The following PREPL variants were observed in gnomAD, a reference collection of about 807,000 sequenced individuals.
The protein encoded by PREPL is prolyl endopeptidase like.
In PREPL, 77 loss-of-function variants were observed where a neutral mutation model predicts 70.6. The ratio of observed to expected loss-of-function variants is 1.09; its 90% confidence interval spans 0.91 to 1.32. PREPL has a LOEUF of 1.32. Ranked by LOEUF, PREPL falls within the 40% of genes most tolerant of loss-of-function variation. The probability of loss-of-function intolerance (pLI) is 0.00; values close to 1 mark genes in which losing one functional copy is unlikely to be tolerated. For synonymous variants in PREPL, 315 were observed against 264.8 expected, an observed-to-expected ratio of 1.19 and a Z score of -1.84; for missense variants, 1,002 against 778.2, an observed-to-expected ratio of 1.29 and a Z score of -3.42.
At chr2:44,324,332 T>A (rs1673280834) in intron 10 of PREPL, among the ~76,000 whole-genome samples, 1 of 152,174 alleles carries the variant, frequency 6.6e-6, no homozygotes, top group Non-Finnish European at 1.5e-5. Context: ...ATTGACTGCA[T>A]AAGCCTATGA....
chr2:44,328,061 G>A (rs945674228), intron 9 of PREPL, among the ~76,000 whole-genome samples: 6 of 147,252 alleles, frequency 4.1e-5, no homozygotes, highest in South Asian at 2.2e-4. Context: ...TGAGGCGGGC[G>A]GATCACTTGA....
chr2:44,342,425 T>C lies in PREPL; in HGVS notation c.477A>G (p.Lys159=). ...TTATATTATTCTAGTACCTTGGGTCTTTTTCTGTGTAAAAGCGTTCATTAC... is the reference window on the plus strand; with the variant it reads ...TTATATTATTCTAGTACCTTGGGTCCTTTTCTGTGTAAAAGCGTTCATTAC... ...NKRNERFYTE[K]DPSYFVFLYL... The change falls in exon 5 of 14, where the codon AAA becomes AAG. Residue 159 remains lysine, a synonymous_variant. Coordinates refer to ENST00000409411, the MANE Select transcript of PREPL (RefSeq NM_001171613.2). 3.7e-6 allele frequency: 6 copies of C among 1,609,940 alleles called. No homozygotes were observed. Among genetic ancestry groups the C allele is most frequent in the Non-Finnish European group, 5.1e-6 (6 of 1,177,744 alleles).
intron 5 of PREPL, among the ~76,000 whole-genome samples, chr2:44,342,115 G>A (rs1675288969): frequency 6.6e-6 from 1 of 152,114 alleles, no homozygotes; most frequent in African/African-American, 2.4e-5. Flanking sequence ...AACAGACTCA[G>A]TCTGTTCACA....
intron 9 of PREPL, 130 bp downstream of exon 9, chr2:44,328,807 G>T: frequency 1.0e-6 from 1 of 954,934 alleles, no homozygotes. Flanking sequence ...ACCAGTGCTG[G>T]TTTAGGAATA....
At chr2:44,360,937 C>T (rs1677689147) in intron 1 of PREPL, among the ~76,000 whole-genome samples, 1 of 152,068 alleles carries the variant, frequency 6.6e-6, no homozygotes, top group Non-Finnish European at 1.5e-5. Context: ...CGCTACGACG[C>T]CCCCGCCCCC....
At position 44,342,398 on chromosome 2, in the gene PREPL, A is replaced by C. The variant is rs1241390986; in HGVS notation, c.485+19T>G. On this transcript the variant is annotated intron_variant, in intron 5 of 13. Coordinates refer to ENST00000409411, the MANE Select transcript of PREPL (RefSeq NM_001171613.2). ...AGGAAGGTTCTGGAGAGAAAGATTT[A>C]ATTATATTATTCTAGTACCTTGGGT... 2 of 1,580,362 alleles carry C rather than the reference A, an allele frequency of 1.3e-6. No homozygotes were observed. Among genetic ancestry groups the C allele is most frequent in the Non-Finnish European group, 1.7e-6 (2 of 1,161,154 alleles).
rs370857739 is a variant in PREPL, at chr2:44,343,874, C to T, written c.220G>A (p.Val74Ile). The change falls in exon 4 of 14, where the codon GTT (valine) becomes ATT (isoleucine). Residue 74 changes from valine to isoleucine, a missense_variant. By Grantham distance (29) the Val-to-Ile change is conservative. Transcript: ENST00000409411. Reference protein sequence around the residue: ...LDQPFIDCIRVAPDEKYVAAK... With the variant: ...LDQPFIDCIRIAPDEKYVAAK... Reference sequence around the variant, plus strand: ...GCCACATATTTTTCATCTGGAGCAACTCTGATACAATCAATGAAGGGCTGG... The same window carrying T: ...GCCACATATTTTTCATCTGGAGCAATTCTGATACAATCAATGAAGGGCTGG... The T allele has an allele frequency of 3.7e-6, 6 of 1,613,890 alleles. No individual in the cohort carries two copies. The highest frequency in any genetic ancestry group is 1.1e-5 in the South Asian group (1 of 91,088).
chr2:44,317,810 G>A lies in PREPL; in HGVS notation c.*3546C>T, dbSNP rs142090460. On this transcript the variant is annotated 3_prime_UTR_variant, in exon 14 of 14. Coordinates refer to ENST00000409411, the MANE Select transcript of PREPL (RefSeq NM_001171613.2). Reference sequence around the variant, plus strand: ...ATAGTATAACTACAAATAAAATAGGGCTTCCGAATTATGTCTAAATAATAC... The same window carrying A: ...ATAGTATAACTACAAATAAAATAGGACTTCCGAATTATGTCTAAATAATAC... 0.01 allele frequency: 1,643 copies of A among 158,852 alleles called. 29 individuals are homozygous for A. Among genetic ancestry groups the A allele is most frequent in the African/African-American group, 0.037 (1,554 of 41,480 alleles). 9.8% of individuals were successfully genotyped at this position (158,852 alleles called of 1,614,324 possible). A position where few individuals can be genotyped will look rare whatever the true frequency, so the allele number is the denominator to read the frequency against.
intron 7 of PREPL, 124 bp downstream of exon 7, chr2:44,338,213 CTTTGCTAAATTCCA>C: frequency 1.2e-6 from 1 of 817,660 alleles, no homozygotes; most frequent in Non-Finnish European, 1.9e-6. Context: ...CCAAGAGTGA[CTTTGCTAAATTCCA>C]TTTAAGTTAC....
Position 44,320,633 on chromosome 2 carries a change from G to A in PREPL, c.*723C>T, listed in dbSNP as rs773635956. The stretch of plus-strand genomic sequence containing the variant: ...GTGTACTGAACATACTGTATACCTC[G>A]TGTTAGGCACCTTTATGAAGAGATG... On this transcript the variant is annotated 3_prime_UTR_variant, in exon 14 of 14. Transcript: ENST00000409411. The A allele has an allele frequency of 8.1e-6, 13 of 1,613,068 alleles. No individual in the cohort carries two copies. Among genetic ancestry groups the A allele is most frequent in the South Asian group, 7.7e-5 (7 of 91,060 alleles).
At chr2:44,335,212 G>C (rs955560227) in intron 7 of PREPL, among the ~76,000 whole-genome samples, 1 of 152,158 alleles carries the variant, frequency 6.6e-6, no homozygotes, top group African/African-American at 2.4e-5. Flanking sequence ...GTTTGTTCCA[G>C]TGGAATTTAA....
At chr2:44,359,494 T>A in intron 1 of PREPL, 2 of 1,595,600 alleles carry the variant, frequency 1.3e-6, no homozygotes, top group Non-Finnish European at 1.7e-6. Flanking sequence ...AAACAGTCCA[T>A]ACCTTACATG....
intron 7 of PREPL, among the ~76,000 whole-genome samples, chr2:44,333,287 G>GA: frequency 6.6e-6 from 1 of 152,176 alleles, no homozygotes; most frequent in East Asian, 1.9e-4. Context: ...TTAACTTTAA[G>GA]AAAAAAGGAA....
At chr2:44,350,124 CAAT>C (rs1189809426) in intron 1 of PREPL, among the ~76,000 whole-genome samples, 5 of 152,038 alleles carry the variant, frequency 3.3e-5, no homozygotes, top group South Asian at 2.1e-4. Flanking sequence ...CAAAATTAGA[CAAT>C]GATGATATGA....
chr2:44,343,842 C>G lies in PREPL; in HGVS notation c.252G>C (p.Lys84Asn). The G allele has an allele frequency of 1.2e-6, 2 of 1,613,914 alleles. No individual in the cohort carries two copies. Among genetic ancestry groups the G allele is most frequent in the Non-Finnish European group, 1.7e-6 (2 of 1,179,828 alleles). The change falls in exon 4 of 14, where the codon AAG becomes AAC. Residue 84 changes from lysine (K) to asparagine (N), a missense_variant. Lys to Asn is a moderately conservative substitution (Grantham distance 94). Transcript: ENST00000409411. Reference protein sequence around the residue: ...VAPDEKYVAAKIRTEDSEAST... With the variant: ...VAPDEKYVAANIRTEDSEAST... ...ATGCTTCAGAATCTTCAGTTCTTAT[C>G]TTGGCAGCCACATATTTTTCATCTG... is the stretch of plus-strand genomic sequence containing the variant.
Sources: gnomAD v4.1 joint callset for allele counts (sites outside exome capture counted in the v4.1 genomes callset) on GRCh38, gnomAD v4.1.1 for gene constraint, MANE v1.5 for transcripts, NCBI Gene and HGNC (gene_info 2026-07-23, HGNC 2026-07-21) for gene names.